The following TRABD variants were observed in gnomAD, a reference collection of about 807,000 sequenced individuals.
TRABD encodes TraB domain containing, also known as traB domain-containing protein.
A neutral mutation model predicts 39.6 loss-of-function variants in TRABD; 23 were observed. The ratio of observed to expected loss-of-function variants is 0.58; its 90% CI spans 0.42 to 0.82. TRABD has a LOEUF of 0.82. Ranked by LOEUF, TRABD falls within the 40% of genes least tolerant of loss-of-function variation. TRABD has a pLI of 0.00. For synonymous variants in TRABD, 243 were observed against 232.1 expected (o/e 1.05, Z -0.43); for missense variants, 487 against 544.9 (o/e 0.89, Z 1.06).
intron 5 of TRABD, 59 bp downstream of exon 5, chr22:50,195,099 T>G (rs1424059060): frequency 8.0e-6 from 12 of 1,496,782 alleles, no homozygotes; most frequent in Non-Finnish European, 8.9e-6. Context: ...CCTGTTTGCC[T>G]GTTGCCCAGG....
chr22:50,189,320 A>T (rs578201929), intron 1 of TRABD, among the ~76,000 whole-genome samples: 7 of 152,188 alleles, frequency 4.6e-5, no homozygotes, highest in Non-Finnish European at 1.0e-4. Context: ...CCAGGGTAGC[A>T]CTGGGGTCTG....
intron 1 of TRABD, among the ~76,000 whole-genome samples, chr22:50,191,487 C>T (rs1569080259): frequency 6.6e-6 from 1 of 152,228 alleles, no homozygotes; most frequent in South Asian, 2.1e-4. Context: ...GGAAAGGAAC[C>T]TGACATAGCG....
Position 50,197,227 on chromosome 22 carries a change from C to T in TRABD, c.421-14C>T. On this transcript the variant is annotated splice_polypyrimidine_tract_variant and intron_variant, in intron 5 of 9. Transcript: ENST00000380909. ...CCCGCCCCTCCAGCTGATGCCTGCT[C>T]CCTCTCTCTGCAGAACGGGCTCATG... is the stretch of plus-strand genomic sequence containing the variant. 6.2e-7 allele frequency: 1 copy of T among 1,611,930 alleles called. No individual in the cohort carries two copies. The highest frequency in any genetic ancestry group is 8.5e-7 in the Non-Finnish European group (1 of 1,179,196).
In TRABD at chr22:50,193,089, A is replaced by G; in HGVS notation, c.29A>G (p.His10Arg). The G allele has an allele frequency of 6.5e-7, 1 of 1,545,192 alleles. No individual in the cohort carries two copies. Among genetic ancestry groups the G allele is most frequent in the Non-Finnish European group, 8.7e-7 (1 of 1,146,946 alleles). The stretch of plus-strand genomic sequence containing the variant: ...GACGGGGAGGAGCAGCAGCCACCGC[A>G]CGAGGTGAGGTGGAGGCTGGGCTGG... MDGEEQQPP[H>R]EANVEPVVPS... The change falls in exon 2 of 10, where the codon CAC (histidine) becomes CGC (arginine). Residue 10 changes from histidine (H) to arginine (R), a missense_variant. By Grantham distance (29) the His-to-Arg change is conservative. Around this residue, in one of 3 missense-constraint regions of TRABD, gnomAD observed 358 missense variants for 414.7 expected, o/e 0.86. Coordinates refer to ENST00000380909, the MANE Select transcript of TRABD (RefSeq NM_001320485.2).
intron 1 of TRABD, among the ~76,000 whole-genome samples, chr22:50,189,450 A>G (rs955332185): frequency 6.6e-6 from 1 of 152,218 alleles, no homozygotes; most frequent in Non-Finnish European, 1.5e-5. Context: ...AGAGTGAAGC[A>G]CAGCTGGTCT....
At position 50,197,927 on chromosome 22, in the gene TRABD, G is replaced by A. The variant is rs981163450; in HGVS notation, c.776G>A (p.Arg259His). 5.6e-6 allele frequency: 9 copies of A among 1,612,898 alleles called. No homozygotes were observed. The highest frequency in any genetic ancestry group is 6.8e-6 in the Non-Finnish European group (8 of 1,179,968). Residue 259 changes from arginine (R) to histidine (H), a missense_variant, in exon 8 of 10, where the codon CGC (arginine) becomes CAC (histidine). Arg to His is a conservative substitution (Grantham distance 29). Coordinates refer to ENST00000380909, the MANE Select transcript of TRABD (RefSeq NM_001320485.2). ...CTGCACCGCACCATCGTCTCGGAGC[G>A]CGACGTCTACCTAACCTACATGCTG... ...PDLHRTIVSE[R>H]DVYLTYMLRQ...
chr22:50,194,878 G>C, intron 4 of TRABD, 22 bp from the exon 5 acceptor site: 6 of 1,609,838 alleles, frequency 3.7e-6, no homozygotes, highest in Admixed American at 3.3e-5. Flanking sequence ...TGTTCTCGAG[G>C]TGTGACCTGT....
rs60563432 is a variant in TRABD, at chr22:50,198,599, C to T, written c.*80C>T. ...TCTGGGTGCCAGGTGCATCCTAGCC[C>T]GCCCGAGGCCCCTGCCACCCCCCAT... On this transcript the variant is annotated 3_prime_UTR_variant, in exon 10 of 10. Coordinates refer to ENST00000380909, the MANE Select transcript of TRABD (RefSeq NM_001320485.2). This position sits in a 1 kb window ranked among gnomAD's most constrained non-coding sequence, Gnocchi z 7.9. 244 of 1,381,632 alleles carry T rather than the reference C, an allele frequency of 1.8e-4. No homozygotes were observed. In the East Asian group the frequency reaches 5.4e-3, roughly 31 times the overall value. 85.6% of individuals were successfully genotyped at this position (1,381,632 alleles called of 1,614,324 possible). A position where few individuals can be genotyped will look rare whatever the true frequency, so the allele number is the denominator to read the frequency against.
intron 1 of TRABD, among the ~76,000 whole-genome samples, chr22:50,189,113 C>T (rs2063829049): frequency 6.6e-6 from 1 of 152,240 alleles, no homozygotes; most frequent in Non-Finnish European, 1.5e-5. Context: ...CCCTGTGGGT[C>T]TCCACCCCGT....
chr22:50,197,764 G>GGGCCCCCC (rs2064169468), intron 7 of TRABD, 59 bp from the exon 8 acceptor site: 21 of 1,284,726 alleles, frequency 1.6e-5, no homozygotes, highest in East Asian at 2.4e-5. Flanking sequence ...CACAGTGCCA[G>GGGCCCCCC]CCCCACCCCC....
At chr22:50,190,574 C>CAGGAGATTCTTTA (rs2063872142) in intron 1 of TRABD, 1 of 152,364 alleles carries the variant, frequency 6.6e-6, no homozygotes, top group South Asian at 2.1e-4. Flanking sequence ...CCCGGCTGCA[C>CAGGAGATTCTTTA]AGGAGTTTCT....
intron 1 of TRABD, among the ~76,000 whole-genome samples, chr22:50,190,370 C>G (rs1473429375): frequency 6.6e-6 from 1 of 152,158 alleles, no homozygotes; most frequent in Non-Finnish European, 1.5e-5. Flanking sequence ...GGGGTCAGGA[C>G]CAGCGCCTGC....
chr22:50,188,234 A>G (rs1410406084), intron 1 of TRABD, among the ~76,000 whole-genome samples: 2 of 152,064 alleles, frequency 1.3e-5, no homozygotes, highest in Non-Finnish European at 2.9e-5. Flanking sequence ...GTGAGCCAAG[A>G]TCACGCCACC....
rs2064220190 is a variant in TRABD at position 50,198,708 on chromosome 22, CTG to C, written c.*190_*191del. ...CCCAAATAAAGGATTATTTAACTGTCTGAGCTCAGGCCTCCCGGCAGCCCCTC... is the reference window on the plus strand; with the variant it reads ...CCCAAATAAAGGATTATTTAACTGTCAGCTCAGGCCTCCCGGCAGCCCCTC... On this transcript the variant is annotated 3_prime_UTR_variant, in exon 10 of 10. Transcript: ENST00000380909. The surrounding 1 kb of genome is among the most constrained non-coding windows in gnomAD (Gnocchi z 7.9). The C allele has an allele frequency of 1.7e-6, 1 of 602,558 alleles. No homozygotes were observed. 37.3% of individuals were successfully genotyped at this position (602,558 alleles called of 1,614,324 possible). A position where few individuals can be genotyped will look rare whatever the true frequency, so the allele number is the denominator to read the frequency against.
chr22:50,192,761 G>GGGGCCGTCCGCGTTTT (rs2063947118), intron 1 of TRABD, among the ~76,000 whole-genome samples: 1 of 147,996 alleles, frequency 6.8e-6, no homozygotes, highest in Non-Finnish European at 1.5e-5. Flanking sequence ...TGAGGCCTGT[G>GGGGCCGTCCGCGTTTT]CACCAGCAAC....
intron 1 of TRABD, among the ~76,000 whole-genome samples, chr22:50,187,370 A>C (rs2063786850): frequency 6.6e-6 from 1 of 152,224 alleles, no homozygotes; most frequent in Non-Finnish European, 1.5e-5. Flanking sequence ...TCCTGTGGCC[A>C]AAGGTGCCAG....
At chr22:50,197,009 T>G in intron 5 of TRABD, 1 of 545,450 alleles carries the variant, frequency 1.8e-6, no homozygotes, top group Non-Finnish European at 3.3e-6. Flanking sequence ...GTGAAGGTCT[T>G]TTCTGAAGGG....
intron 1 of TRABD, among the ~76,000 whole-genome samples, chr22:50,191,209 G>T (rs1385794123): frequency 6.6e-6 from 1 of 152,252 alleles, no homozygotes; most frequent in East Asian, 1.9e-4. Context: ...AGGGTGGGCT[G>T]CCCTCTTCTC....
At chr22:50,195,885 C>T (rs1235100324) in intron 5 of TRABD, among the ~76,000 whole-genome samples, 7 of 144,982 alleles carry the variant, frequency 4.8e-5, no homozygotes, top group Non-Finnish European at 1.1e-4. Context: ...AAACGTTTGG[C>T]GCCTGCCTTT....
Sources: allele counts gnomAD v4.1 joint callset (sites outside exome capture counted in the v4.1 genomes callset), GRCh38; gene constraint gnomAD v4.1.1; regional missense constraint gnomAD v4.1.1; non-coding constraint Gnocchi (gnomAD v3.1); transcripts MANE v1.5; gene names NCBI Gene and HGNC (gene_info 2026-07-23, HGNC 2026-07-21).